ADAMTS14: variants seen among roughly 807,000 people sequenced by gnomAD.
ADAMTS14 encodes ADAM metallopeptidase with thrombospondin type 1 motif 14.
Under a neutral mutation model 128.6 loss-of-function variants are expected in ADAMTS14, and 100 were observed. The ratio of observed to expected loss-of-function variants is 0.78; its 90% CI spans 0.66 to 0.92. ADAMTS14 has a LOEUF of 0.92. Among genes scored for constraint, ADAMTS14 ranks in the 40% least tolerant of loss-of-function variants. ADAMTS14 has a pLI of 0.00. For synonymous variants in ADAMTS14, 665 were observed against 653.8 expected, an observed-to-expected ratio of 1.02 and a Z score of -0.26; for missense variants, 1,562 against 1,658.6, an observed-to-expected ratio of 0.94 and a Z score of 1.01.
intron 4 of ADAMTS14, 48 bp downstream of exon 4, chr10:70,708,826 G>GGGGGCCCCCC: frequency 5.0e-6 from 2 of 396,628 alleles, no homozygotes; most frequent in Non-Finnish European, 9.6e-6. Context: ...GGTGGGGTGG[G>GGGGGCCCCCC]CCCCACCCCA....
intron 4 of ADAMTS14, among the ~76,000 whole-genome samples, chr10:70,710,686 G>A (rs1840825313): frequency 6.6e-6 from 1 of 152,250 alleles, no homozygotes; most frequent in African/African-American, 2.4e-5. Flanking sequence ...ACCCTCTGGT[G>A]TGTCTCTTCT....
At chr10:70,720,003 G>A (rs992993721) in intron 4 of ADAMTS14, among the ~76,000 whole-genome samples, 1 of 152,250 alleles carries the variant, frequency 6.6e-6, no homozygotes, top group African/African-American at 2.4e-5. Flanking sequence ...GATAAATGCT[G>A]AGCATTGTGG....
chr10:70,752,850 C>T (rs556152805), intron 18 of ADAMTS14, among the ~76,000 whole-genome samples: 16 of 152,262 alleles, frequency 1.1e-4, no homozygotes, highest in Admixed American at 5.9e-4. Flanking sequence ...GGGTGGGAAC[C>T]GGTGGCCAGC....
intron 19 of ADAMTS14, among the ~76,000 whole-genome samples, chr10:70,754,931 C>G (rs1245339350): frequency 6.6e-6 from 1 of 152,120 alleles, no homozygotes; most frequent in East Asian, 1.9e-4. Flanking sequence ...ACGAAATTGT[C>G]TTGGGTTTTC....
intron 6 of ADAMTS14, among the ~76,000 whole-genome samples, chr10:70,731,368 AG>A (rs1175763280): frequency 6.6e-6 from 1 of 152,192 alleles, no homozygotes; most frequent in Non-Finnish European, 1.5e-5. Flanking sequence ...CTTCCCACTC[AG>A]CCTCTTGCTA....
chr10:70,730,271 C>T (rs1256133729), intron 6 of ADAMTS14, 22 bp downstream of exon 6: 6 of 1,608,546 alleles, frequency 3.7e-6, no homozygotes, highest in Non-Finnish European at 5.1e-6. Context: ...ACTGTATTTG[C>T]CATGGCCAGG....
At chr10:70,722,235 G>A (rs898784325) in intron 4 of ADAMTS14, among the ~76,000 whole-genome samples, 2 of 152,162 alleles carry the variant, frequency 1.3e-5, no homozygotes, top group African/African-American at 4.8e-5. Context: ...GAGTCACCTT[G>A]TGCCTTGTGA....
intron 19 of ADAMTS14, 127 bp from the exon 20 acceptor site, chr10:70,757,835 G>T (rs1842511957): frequency 1.5e-6 from 2 of 1,368,342 alleles, no homozygotes; most frequent in Non-Finnish European, 2.0e-6. Flanking sequence ...GTGAAGACTT[G>T]GTGCTCTCCT....
At chr10:70,724,044 T>C (rs533847343) in intron 4 of ADAMTS14, among the ~76,000 whole-genome samples, 1 of 152,348 alleles carries the variant, frequency 6.6e-6, no homozygotes, top group South Asian at 2.1e-4. Context: ...GTTGTGAGGC[T>C]GTATGCCAAG....
intron 4 of ADAMTS14, among the ~76,000 whole-genome samples, chr10:70,710,105 G>T (rs17600770): frequency 6.6e-6 from 1 of 152,128 alleles, no homozygotes; most frequent in African/African-American, 2.4e-5. Context: ...GTGTAGTACC[G>T]GAGGCAGGTG....
Position 70,752,085 on chromosome 10 carries a change from C to T in ADAMTS14, c.2597-10C>T, listed in dbSNP as rs764070214. The T allele has an allele frequency of 6.2e-6, 10 of 1,609,402 alleles. No homozygotes were observed. Among genetic ancestry groups the T allele is most frequent in the South Asian group, 1.1e-5 (1 of 90,482 alleles). The stretch of plus-strand genomic sequence containing the variant: ...TGGACTAGGCCCACGGCAGCCTGCC[C>T]ACCCCATAGGGATCCAGTTCACCAA... On this transcript the variant is annotated splice_polypyrimidine_tract_variant and intron_variant, in intron 17 of 21. Coordinates refer to ENST00000373207, the MANE Select transcript of ADAMTS14 (RefSeq NM_080722.4).
At chr10:70,708,813 T>C (rs113420756) in intron 4 of ADAMTS14, 35 bp downstream of exon 4, 8,717 of 382,276 alleles carry the variant, frequency 0.023, 507 homozygotes, top group African/African-American at 0.17. Flanking sequence ...TTGGGGGGAG[T>C]GGGGTGGGGT....
intron 2 of ADAMTS14, among the ~76,000 whole-genome samples, chr10:70,691,827 C>A (rs72814536): frequency 6.6e-6 from 1 of 152,068 alleles, no homozygotes; most frequent in African/African-American, 2.4e-5. Context: ...CTCCCTCTGT[C>A]CCCTCTCAGG....
chr10:70,693,961 G>A (rs1254153484), intron 2 of ADAMTS14, among the ~76,000 whole-genome samples: 1 of 152,268 alleles, frequency 6.6e-6, no homozygotes, highest in Non-Finnish European at 1.5e-5. Context: ...TTGTGGACAA[G>A]TCTGGCAGCT....
At chr10:70,749,034 A>G (rs896295981) in intron 15 of ADAMTS14, among the ~76,000 whole-genome samples, 1 of 152,204 alleles carries the variant, frequency 6.6e-6, no homozygotes, top group African/African-American at 2.4e-5. Flanking sequence ...GTAGAAATTT[A>G]TGGATTTTTA....
intron 4 of ADAMTS14, among the ~76,000 whole-genome samples, chr10:70,715,997 A>G (rs548554299): frequency 6.6e-6 from 1 of 152,270 alleles, no homozygotes; most frequent in Admixed American, 6.5e-5. Context: ...TTCTTGGCCA[A>G]ATTAACACAT....
intron 4 of ADAMTS14, among the ~76,000 whole-genome samples, chr10:70,726,083 A>G (rs1210543938): frequency 6.6e-6 from 1 of 152,216 alleles, no homozygotes; most frequent in East Asian, 1.9e-4. Flanking sequence ...TTCTGTTTAC[A>G]TAGCATTTGC....
Position 70,743,554 on chromosome 10 carries a change from A to G in ADAMTS14, c.1931A>G (p.Gln644Arg), listed in dbSNP as rs760606676. The G allele has an allele frequency of 1.2e-6, 2 of 1,612,044 alleles. No individual in the cohort carries two copies. Among genetic ancestry groups the G allele is most frequent in the Admixed American group, 1.7e-5 (1 of 59,386 alleles). ...ATAGTCCCTCTCCCTACAGACGCCC[A>G]GAAGTGTGAGCTGATCTGCCAGTCG... The part of the protein sequence containing the change: ...WVPYEPDDDA[Q>R]KCELICQSAD... The change falls in exon 13 of 22, where the codon CAG becomes CGG. Residue 644 changes from glutamine (Q) to arginine (R), a missense_variant. By Grantham distance (43) the Gln-to-Arg change is conservative. Transcript: ENST00000373207.
In ADAMTS14 at chr10:70,714,037, T is replaced by A. The variant is rs192931831; in HGVS notation, c.870+5259T>A. ...AAGTCCCCATTTCTACAAAAAAATT[T>A]AAAAAATTAGCCAAGCAAGGTGGTG... On this transcript the variant is annotated intron_variant, in intron 4 of 21. Coordinates refer to ENST00000373207, the MANE Select transcript of ADAMTS14 (RefSeq NM_080722.4). Among the ~76,000 whole-genome samples the A allele has an allele frequency of 2.5e-3, 382 of 151,992 alleles. 3 individuals carry two copies. The highest frequency in any genetic ancestry group is 8.8e-3 in the African/African-American group (363 of 41,448).
Sources: gnomAD v4.1 joint callset for allele counts (sites outside exome capture counted in the v4.1 genomes callset) on GRCh38, gnomAD v4.1.1 for gene constraint, MANE v1.5 for transcripts, NCBI Gene and HGNC (gene_info 2026-07-23, HGNC 2026-07-21) for gene names.